Variants in ARHGAP24 observed in about 807,000 individuals in gnomAD.
The protein encoded by ARHGAP24 is Rho GTPase activating protein 24, also known as rho GTPase-activating protein 24.
ARHGAP24 carries 50 observed loss-of-function variants against 76.4 expected under a neutral mutation model. That is an observed-to-expected ratio of 0.65 (90% CI 0.52 to 0.83). The LOEUF (loss-of-function observed/expected upper bound fraction) is 0.83, where lower values mean the gene tolerates loss of function less well. Among genes scored for constraint, ARHGAP24 ranks in the 40% least tolerant of loss-of-function variants. The pLI, the probability that ARHGAP24 is intolerant of heterozygous loss-of-function variation, is 0.00. For missense variants in ARHGAP24, 930 were observed against 914.2 expected (o/e 1.02, Z -0.22); for synonymous variants, 345 against 323.3 (o/e 1.07, Z -0.72).
intron 2 of ARHGAP24, among the ~76,000 whole-genome samples, chr4:85,715,231 A>G (rs1724688858): frequency 6.6e-6 from 1 of 152,066 alleles, no homozygotes; most frequent in Non-Finnish European, 1.5e-5. Flanking sequence ...AGCCTTGCAA[A>G]CACGATAGTA....
At chr4:85,527,471 T>A (rs1219718220) in intron 1 of ARHGAP24, among the ~76,000 whole-genome samples, 1 of 152,000 alleles carries the variant, frequency 6.6e-6, no homozygotes, top group Non-Finnish European at 1.5e-5. Context: ...TATAAAAAAA[T>A]TACAGAAATT....
intron 1 of ARHGAP24, among the ~76,000 whole-genome samples, chr4:85,490,375 G>A (rs988631141): frequency 1.3e-5 from 2 of 152,148 alleles, no homozygotes; most frequent in African/African-American, 4.8e-5. Flanking sequence ...GAGGCCTCTG[G>A]TTCATAGGAA....
At chr4:85,550,301 G>T (rs987564406) in intron 1 of ARHGAP24, among the ~76,000 whole-genome samples, 1 of 152,188 alleles carries the variant, frequency 6.6e-6, no homozygotes, top group Admixed American at 6.5e-5. Context: ...ATTGAATAGG[G>T]AATTCTTTCC....
intron 3 of ARHGAP24, among the ~76,000 whole-genome samples, chr4:85,903,188 G>C (rs1016003439): frequency 6.6e-6 from 1 of 152,110 alleles, no homozygotes; most frequent in African/African-American, 2.4e-5. Flanking sequence ...TTCATATTAG[G>C]AAGGGAACAA....
Position 85,517,000 on chromosome 4 carries a change from G to T in ARHGAP24, c.-21+41441G>T, listed in dbSNP as rs576834886. ...TTATGTTTTTCCTAATAGCTTTCCA[G>T]TTTCCCCAACCTCAGTTTTCCATCT... On this transcript the variant is annotated intron_variant, in intron 1 of 9. Transcript: ENST00000395184. 3.3e-5 allele frequency among the ~76,000 whole-genome samples: 5 copies of T among 152,218 alleles called. No homozygotes were observed. In the South Asian group the frequency reaches 1.0e-3, roughly 32 times the overall value.
intron 1 of ARHGAP24, among the ~76,000 whole-genome samples, chr4:85,509,709 A>T (rs1724201794): frequency 6.6e-6 from 1 of 152,022 alleles, no homozygotes. Flanking sequence ...CTTTCATTTT[A>T]CTTAATTATG....
intron 3 of ARHGAP24, among the ~76,000 whole-genome samples, chr4:85,776,369 A>G (rs1272103629): frequency 4.6e-5 from 7 of 152,184 alleles, no homozygotes; most frequent in African/African-American, 1.7e-4. Flanking sequence ...CCACTAAACT[A>G]CACTAGTATT....
At chr4:85,785,066 G>A (rs1355607965) in intron 3 of ARHGAP24, among the ~76,000 whole-genome samples, 2 of 152,054 alleles carry the variant, frequency 1.3e-5, no homozygotes, top group African/African-American at 2.4e-5. Context: ...ATGGACAGAA[G>A]CAGAGGCTGT....
intron 3 of ARHGAP24, among the ~76,000 whole-genome samples, chr4:85,898,491 T>C (rs1385726576): frequency 6.6e-6 from 1 of 152,190 alleles, no homozygotes; most frequent in Non-Finnish European, 1.5e-5. Flanking sequence ...ATGCCTATTC[T>C]GAATAGAGTT....
At chr4:85,887,847 A>T (rs1304411551) in intron 3 of ARHGAP24, among the ~76,000 whole-genome samples, 2 of 152,114 alleles carry the variant, frequency 1.3e-5, no homozygotes, top group African/African-American at 4.8e-5. Flanking sequence ...TGTTTTTGTA[A>T]TTGTTTACCT....
chr4:85,539,728 T>C (rs1313661650), intron 1 of ARHGAP24, among the ~76,000 whole-genome samples: 1 of 152,200 alleles, frequency 6.6e-6, no homozygotes, highest in Non-Finnish European at 1.5e-5. Context: ...ATTCTGAAGA[T>C]TTGAAAAGTA....
At chr4:85,686,943 A>G (rs1174249480) in intron 2 of ARHGAP24, among the ~76,000 whole-genome samples, 3 of 152,110 alleles carry the variant, frequency 2.0e-5, no homozygotes, top group South Asian at 2.1e-4. Context: ...GCCCTTGCCC[A>G]ATGTAGTAAT....
chr4:85,926,593 T>C (rs1342347103), intron 4 of ARHGAP24, among the ~76,000 whole-genome samples: 1 of 152,208 alleles, frequency 6.6e-6, no homozygotes, highest in Admixed American at 6.5e-5. Context: ...CTGTTATTGA[T>C]TGAATTTTAA....
At chr4:85,612,846 G>A (rs1219479996) in intron 2 of ARHGAP24, among the ~76,000 whole-genome samples, 3 of 122,672 alleles carry the variant, frequency 2.4e-5, no homozygotes, top group Non-Finnish European at 3.1e-5. Flanking sequence ...CACCCAGGCT[G>A]CTGGTGCAGT....
intron 3 of ARHGAP24, among the ~76,000 whole-genome samples, chr4:85,860,995 T>TGCAC (rs1301409168): frequency 7.5e-6 from 1 of 134,056 alleles, no homozygotes; most frequent in African/African-American, 3.4e-5. Flanking sequence ...ATTCTGTGCA[T>TGCAC]GCACGCACAC....
chr4:85,603,152 G>T (rs1933281065), intron 2 of ARHGAP24, among the ~76,000 whole-genome samples: 1 of 152,188 alleles, frequency 6.6e-6, no homozygotes, highest in Admixed American at 6.5e-5. Context: ...ACTAAGGTTA[G>T]ATTTTTACAT....
chr4:85,725,047 G>A (rs916008790), intron 3 of ARHGAP24, among the ~76,000 whole-genome samples: 4 of 152,036 alleles, frequency 2.6e-5, no homozygotes, highest in Non-Finnish European at 5.9e-5. Context: ...CTCTAAATGT[G>A]TTCTAGTTGA....
intron 1 of ARHGAP24, among the ~76,000 whole-genome samples, chr4:85,562,886 AG>A (rs1726654546): frequency 6.6e-6 from 1 of 152,230 alleles, no homozygotes; most frequent in East Asian, 1.9e-4. Flanking sequence ...TTGTTACCGT[AG>A]GTGAGGTTAG....
At chr4:85,649,955 G>A (rs1721872577) in intron 2 of ARHGAP24, among the ~76,000 whole-genome samples, 1 of 152,060 alleles carries the variant, frequency 6.6e-6, no homozygotes, top group Non-Finnish European at 1.5e-5. Context: ...TATCAAGGTA[G>A]TCATAAGGTC....
Sources: gnomAD v4.1 joint callset for allele counts (sites outside exome capture counted in the v4.1 genomes callset) on GRCh38, gnomAD v4.1.1 for gene constraint, MANE v1.5 for transcripts, NCBI Gene and HGNC (gene_info 2026-07-23, HGNC 2026-07-21) for gene names.